The following PRKCQ variants were observed in gnomAD, a reference collection of about 807,000 sequenced individuals.
The protein encoded by PRKCQ is protein kinase C theta, also known as protein kinase C theta type.
Under a neutral mutation model 91.2 loss-of-function variants are expected in PRKCQ, and 41 were observed. The observed-to-expected ratio is 0.45, with a 90% confidence interval of 0.35 to 0.58. The LOEUF is 0.58. PRKCQ is among the 20% of genes least tolerant of loss of function. The probability of loss-of-function intolerance (pLI) is 0.00; values close to 1 mark genes in which losing one functional copy is unlikely to be tolerated. For missense variants in PRKCQ, 673 were observed against 896.5 expected (o/e 0.75, Z 3.18); for synonymous variants, 307 against 316.9 (o/e 0.97, Z 0.33).
chr10:6,439,654 C>G (rs1316992587), intron 16 of PRKCQ, among the ~76,000 whole-genome samples: 2 of 151,042 alleles, frequency 1.3e-5, no homozygotes, highest in Non-Finnish European at 2.9e-5. Context: ...ACTTAATGAA[C>G]AGTAAACACA....
At chr10:6,532,847 C>T (rs930453321) in intron 1 of PRKCQ, among the ~76,000 whole-genome samples, 6 of 152,206 alleles carry the variant, frequency 3.9e-5, no homozygotes, top group African/African-American at 1.4e-4. Flanking sequence ...TATTTCTTCA[C>T]TGGCCCTTTA....
At chr10:6,518,235 G>A (rs901274667) in intron 1 of PRKCQ, among the ~76,000 whole-genome samples, 1 of 152,146 alleles carries the variant, frequency 6.6e-6, no homozygotes, top group Non-Finnish European at 1.5e-5. Flanking sequence ...TTTAAGGCAT[G>A]TGTTATAAAT....
In PRKCQ at chr10:6,430,722, G is replaced by A. The variant is rs912560199; in HGVS notation, c.1965+88C>T. The A allele has an allele frequency of 1.9e-6, 3 of 1,540,652 alleles. No individual in the cohort carries two copies. In the African/African-American group the frequency reaches 4.1e-5, roughly 21 times the overall value. On this transcript the variant is annotated intron_variant, in intron 17 of 17. Transcript: ENST00000263125. This position sits in a 1 kb window ranked among gnomAD's most constrained non-coding sequence, Gnocchi z 4.7. ...GTGGGGAGTTGGGGCACCGGCAGGG[G>A]TGAGCAGCTGCGGTGACTTGGACAG...
chr10:6,545,687 T>G (rs1335534658), intron 1 of PRKCQ, among the ~76,000 whole-genome samples: 2 of 152,124 alleles, frequency 1.3e-5, no homozygotes, highest in African/African-American at 4.8e-5. Context: ...CATAATACTG[T>G]GAATGTTCTC....
the PRKCQ span, among the ~76,000 whole-genome samples, chr10:6,408,827 A>G: frequency 6.6e-6 from 1 of 152,220 alleles, no homozygotes; most frequent in African/African-American, 2.4e-5. Context: ...TTTTGCTGTT[A>G]TGAACAATGC....
rs1835522945 is a variant in PRKCQ at position 6,464,397 on chromosome 10, A to G, written c.1361T>C (p.Leu454Pro). 1 of 1,598,184 alleles carries G rather than the reference A, an allele frequency of 6.3e-7. No individual in the cohort carries two copies. The highest frequency in any genetic ancestry group is 1.9e-5 in the Admixed American group (1 of 53,484). The change falls in exon 13 of 18, where the codon CTC becomes CCC. Residue 454 changes from leucine to proline, a missense_variant. Transcript: ENST00000263125. ...GTTGAGGTACTCCATCACAAAAAAG[A>G]GGTTTTCCTGTGGAAAAACAAAACA... is the stretch of plus-strand genomic sequence containing the variant. ...MFCTFQTKENLFFVMEYLNGG... is the reference protein window; with the variant it reads ...MFCTFQTKENPFFVMEYLNGG...
chr10:6,511,016 G>A lies in PRKCQ; in HGVS notation c.297C>T (p.Asn99=). The change falls in exon 3 of 18, where the codon AAC becomes AAT. Residue 99 remains asparagine (N), a synonymous_variant. Coordinates refer to ENST00000263125, the MANE Select transcript of PRKCQ (RefSeq NM_006257.5). Reference sequence around the variant, plus strand: ...TTACCCATATTTCTGTCTTCCCGTTGTTCTTCCTGCACCTCTCAGCCAGCG... The same window carrying A: ...TTACCCATATTTCTGTCTTCCCGTTATTCTTCCTGCACCTCTCAGCCAGCG... ...LYSLAERCRK[N]NGKTEIWLEL... 2 of 1,614,054 alleles carry A rather than the reference G, an allele frequency of 1.2e-6. No individual in the cohort carries two copies. Among genetic ancestry groups the A allele is most frequent in the Non-Finnish European group, 1.7e-6 (2 of 1,179,998 alleles).
chr10:6,538,226 A>G (rs1839653789), intron 1 of PRKCQ, among the ~76,000 whole-genome samples: 1 of 152,264 alleles, frequency 6.6e-6, no homozygotes, highest in African/African-American at 2.4e-5. Flanking sequence ...CATTGCTGCC[A>G]GGACTGGAGC....
intron 4 of PRKCQ, among the ~76,000 whole-genome samples, chr10:6,501,320 T>C (rs1360212170): frequency 6.6e-6 from 1 of 151,810 alleles, no homozygotes; most frequent in Non-Finnish European, 1.5e-5. Context: ...TTGGGGAAGA[T>C]GCATAATGCA....
At chr10:6,456,022 G>A (rs924710975) in intron 15 of PRKCQ, among the ~76,000 whole-genome samples, 1 of 152,144 alleles carries the variant, frequency 6.6e-6, no homozygotes, top group African/African-American at 2.4e-5. Flanking sequence ...TAATCTCCCT[G>A]GGTGGGCAGC....
At chr10:6,399,831 A>G in the PRKCQ span, among the ~76,000 whole-genome samples, 1 of 152,070 alleles carries the variant, frequency 6.6e-6, no homozygotes, top group Non-Finnish European at 1.5e-5. Flanking sequence ...CCATTCCTAC[A>G]GGGTAGACAA....
At chr10:6,490,216 C>T (rs472317) in intron 8 of PRKCQ, among the ~76,000 whole-genome samples, 47,752 of 151,710 alleles carry the variant, frequency 0.31, 9,229 homozygotes, top group South Asian at 0.5. Context: ...AAAACCTAAC[C>T]CCTCCTGCCT....
chr10:6,517,596 T>C (rs1474119439), intron 1 of PRKCQ, among the ~76,000 whole-genome samples: 1 of 138,378 alleles, frequency 7.2e-6, no homozygotes, highest in East Asian at 2.4e-4. Flanking sequence ...ATCTTTTTTT[T>C]TTTTTTTTTT....
At chr10:6,514,109 T>G (rs1237484856) in intron 2 of PRKCQ, among the ~76,000 whole-genome samples, 1 of 152,228 alleles carries the variant, frequency 6.6e-6, no homozygotes, top group Admixed American at 6.5e-5. Flanking sequence ...TGCAGTGGTC[T>G]CTCCGTAAAC....
chr10:6,561,915 T>G (rs1161078292), intron 1 of PRKCQ, among the ~76,000 whole-genome samples: 1 of 150,480 alleles, frequency 6.6e-6, no homozygotes, highest in Non-Finnish European at 1.5e-5. Flanking sequence ...GGGAGGAGAG[T>G]TCAAGCAAAA....
At chr10:6,513,003 T>C (rs976939599) in intron 2 of PRKCQ, among the ~76,000 whole-genome samples, 5 of 152,110 alleles carry the variant, frequency 3.3e-5, no homozygotes, top group Non-Finnish European at 5.9e-5. Context: ...TGGTAACCAT[T>C]CTCTGTGCCT....
At chr10:6,552,847 C>T (rs1840244333) in intron 1 of PRKCQ, among the ~76,000 whole-genome samples, 1 of 151,866 alleles carries the variant, frequency 6.6e-6, no homozygotes, top group Admixed American at 6.6e-5. Flanking sequence ...GGGATTATAT[C>T]TGTCAATATT....
intron 1 of PRKCQ, among the ~76,000 whole-genome samples, chr10:6,570,648 G>C (rs921583503): frequency 6.6e-6 from 1 of 151,524 alleles, no homozygotes; most frequent in Non-Finnish European, 1.5e-5. Context: ...TCTGTCTCCT[G>C]GGTTCAAGCG....
intron 12 of PRKCQ, among the ~76,000 whole-genome samples, chr10:6,469,358 A>G (rs752510635): frequency 3.1e-4 from 47 of 152,176 alleles, no homozygotes; most frequent in Non-Finnish European, 5.1e-4. Flanking sequence ...CCTTTCAAGG[A>G]CAGAACCTAG....
Sources: gnomAD v4.1 joint callset for allele counts (sites outside exome capture counted in the v4.1 genomes callset) on GRCh38, gnomAD v4.1.1 for gene constraint, Gnocchi (gnomAD v3.1) non-coding constraint, MANE v1.5 for transcripts, NCBI Gene and HGNC (gene_info 2026-07-23, HGNC 2026-07-21) for gene names.